Variants in KCNH5 observed in about 807,000 individuals in gnomAD.
The protein encoded by KCNH5 is potassium voltage-gated channel subfamily H member 5.
Under a neutral mutation model 96.1 loss-of-function variants are expected in KCNH5, and 46 were observed. That is an observed-to-expected ratio of 0.48 (90% CI 0.38 to 0.61). The LOEUF (loss-of-function observed/expected upper bound fraction) is 0.61, where lower values mean the gene tolerates loss of function less well. KCNH5 is among the 20% of genes least tolerant of loss of function. KCNH5 has a pLI of 0.00. For missense variants in KCNH5, 907 were observed against 1,225.8 expected, an observed-to-expected ratio of 0.74 and a Z score of 3.88; for synonymous variants, 439 against 449.8, an observed-to-expected ratio of 0.98 and a Z score of 0.30.
At chr14:62,904,957 C>T (rs930846578) in intron 7 of KCNH5, among the ~76,000 whole-genome samples, 1 of 152,196 alleles carries the variant, frequency 6.6e-6, no homozygotes, top group Non-Finnish European at 1.5e-5. Flanking sequence ...AAATAAAGGA[C>T]ACTCATTTAT....
intron 6 of KCNH5, among the ~76,000 whole-genome samples, chr14:62,959,953 C>T (rs1426618743): frequency 6.6e-6 from 1 of 152,140 alleles, no homozygotes; most frequent in East Asian, 1.9e-4. Context: ...TTCAAAATCA[C>T]TGCTAGTTTA....
At chr14:62,766,207 C>T (rs1340944919) in intron 10 of KCNH5, among the ~76,000 whole-genome samples, 1 of 152,070 alleles carries the variant, frequency 6.6e-6, no homozygotes, top group Non-Finnish European at 1.5e-5. Flanking sequence ...AAAAACGGGA[C>T]ATCTTGTGCA....
intron 8 of KCNH5, among the ~76,000 whole-genome samples, chr14:62,835,522 T>C: frequency 6.6e-6 from 1 of 152,140 alleles, no homozygotes; most frequent in African/African-American, 2.4e-5. Context: ...ATAATATTCT[T>C]AGGAATACTT....
At chr14:63,027,993 T>C (rs1430029049) in intron 1 of KCNH5, among the ~76,000 whole-genome samples, 4 of 152,232 alleles carry the variant, frequency 2.6e-5, no homozygotes, top group African/African-American at 7.2e-5. Flanking sequence ...TTCTAACCTA[T>C]TTCAATTTTG....
intron 10 of KCNH5, among the ~76,000 whole-genome samples, chr14:62,767,992 C>T (rs1356399882): frequency 1.3e-5 from 2 of 152,036 alleles, no homozygotes; most frequent in Non-Finnish European, 2.9e-5. Context: ...ACTTATAACT[C>T]GTAGCTAAGT....
intron 8 of KCNH5, among the ~76,000 whole-genome samples, chr14:62,812,210 A>C (rs1366451596): frequency 1.3e-5 from 2 of 152,166 alleles, no homozygotes; most frequent in Non-Finnish European, 2.9e-5. Context: ...GATTTTTGAA[A>C]ATTATTTAAG....
chr14:62,921,973 T>C (rs1889388319), intron 7 of KCNH5, among the ~76,000 whole-genome samples: 1 of 152,134 alleles, frequency 6.6e-6, no homozygotes, highest in African/African-American at 2.4e-5. Context: ...GCAATGTTAT[T>C]TGACTAGATC....
At chr14:62,795,825 T>C (rs1354049225) in intron 9 of KCNH5, among the ~76,000 whole-genome samples, 1 of 151,954 alleles carries the variant, frequency 6.6e-6, no homozygotes, top group Non-Finnish European at 1.5e-5. Context: ...GGCATCCAAG[T>C]GGAAGCACAG....
intron 6 of KCNH5, among the ~76,000 whole-genome samples, chr14:62,954,187 A>G (rs1019780105): frequency 1.3e-5 from 2 of 151,772 alleles, no homozygotes; most frequent in African/African-American, 2.4e-5. Context: ...AGGATCTTAC[A>G]TACAGTTTAT....
At chr14:62,741,383 CT>C (rs1283827900) in intron 10 of KCNH5, among the ~76,000 whole-genome samples, 2 of 152,156 alleles carry the variant, frequency 1.3e-5, no homozygotes, top group Admixed American at 6.6e-5. Context: ...GTGATACAGA[CT>C]GCCTGTGGTT....
intron 8 of KCNH5, among the ~76,000 whole-genome samples, chr14:62,824,195 TCAG>T (rs1403680209): frequency 6.6e-6 from 1 of 152,026 alleles, no homozygotes; most frequent in African/African-American, 2.4e-5. Flanking sequence ...AGCAAAAATT[TCAG>T]CAGTTCAGGG....
chr14:62,804,708 C>A (rs1055068301), intron 8 of KCNH5, among the ~76,000 whole-genome samples: 1 of 152,184 alleles, frequency 6.6e-6, no homozygotes, highest in Non-Finnish European at 1.5e-5. Context: ...TTTAATTCCT[C>A]TAAACCTCAT....
chr14:62,796,809 C>T (rs1195328874), intron 9 of KCNH5, among the ~76,000 whole-genome samples: 1 of 152,118 alleles, frequency 6.6e-6, no homozygotes, highest in Non-Finnish European at 1.5e-5. Flanking sequence ...GTAAGAAGTA[C>T]ATTGGTTCCA....
intron 4 of KCNH5, among the ~76,000 whole-genome samples, chr14:62,987,945 T>C (rs1014320483): frequency 6.6e-6 from 1 of 152,156 alleles, no homozygotes; most frequent in Non-Finnish European, 1.5e-5. Context: ...TCCATCTTCC[T>C]TGTAACATAG....
chr14:62,928,891 A>T (rs1017434619), intron 7 of KCNH5, among the ~76,000 whole-genome samples: 1 of 152,008 alleles, frequency 6.6e-6, no homozygotes, highest in Non-Finnish European at 1.5e-5. Context: ...CTCTATTCAC[A>T]TTCAATATCA....
chr14:62,835,557 G>A (rs1887448153), intron 8 of KCNH5, among the ~76,000 whole-genome samples: 1 of 151,906 alleles, frequency 6.6e-6, no homozygotes, highest in Admixed American at 6.6e-5. Context: ...TAATATCATA[G>A]CCTTTTAAAA....
chr14:63,040,003 C>T (rs1594688531), intron 1 of KCNH5, among the ~76,000 whole-genome samples: 1 of 152,068 alleles, frequency 6.6e-6, no homozygotes, highest in Non-Finnish European at 1.5e-5. Flanking sequence ...AACTACAGTA[C>T]TTTGGTGAAC....
At chr14:63,037,116 T>G (rs1162133405) in intron 1 of KCNH5, among the ~76,000 whole-genome samples, 2 of 152,186 alleles carry the variant, frequency 1.3e-5, no homozygotes, top group African/African-American at 4.8e-5. Context: ...CTTATTTATG[T>G]GCCAGGCACC....
At chr14:62,938,259 T>C (rs775948307) in intron 7 of KCNH5, among the ~76,000 whole-genome samples, 4 of 152,152 alleles carry the variant, frequency 2.6e-5, no homozygotes, top group Non-Finnish European at 4.4e-5. Flanking sequence ...GCCTCCAGTA[T>C]TTCCTGAGAG....
Sources: allele counts gnomAD v4.1 joint callset (sites outside exome capture counted in the v4.1 genomes callset), GRCh38; gene constraint gnomAD v4.1.1; transcripts MANE v1.5; gene names NCBI Gene and HGNC (gene_info 2026-07-23, HGNC 2026-07-21).